ADGRG3: variants seen among roughly 807,000 people sequenced by gnomAD.
ADGRG3 encodes the protein G protein-coupled receptor 97.
A neutral mutation model predicts 54.3 loss-of-function variants in ADGRG3; 39 were observed. The ratio of observed to expected loss-of-function variants is 0.72; its 90% CI spans 0.56 to 0.94. The LOEUF (loss-of-function observed/expected upper bound fraction) is 0.94, where lower values mean the gene tolerates loss of function less well. Ranked by LOEUF, ADGRG3 falls within the 40% of genes least tolerant of loss-of-function variation. The pLI is 0.00. For missense variants in ADGRG3, 654 were observed against 694.6 expected (o/e 0.94, Z 0.66); for synonymous variants, 312 against 290.0 (o/e 1.08, Z -0.77).
intron 3 of ADGRG3, among the ~76,000 whole-genome samples, chr16:57,677,865 C>T (rs12597878): frequency 0.036 from 5,475 of 152,294 alleles, 251 homozygotes; most frequent in East Asian, 0.18. Flanking sequence ...CACATGCCCT[C>T]CAGCCGTCCT....
chr16:57,675,786 G>A (rs1450648302), intron 2 of ADGRG3, among the ~76,000 whole-genome samples: 3 of 152,178 alleles, frequency 2.0e-5, no homozygotes, highest in Non-Finnish European at 1.5e-5. Context: ...ACAGAAGGCA[G>A]ATTAGTGATT....
rs1352858164 is a variant in ADGRG3, at chr16:57,685,794, G to A, written c.1408G>A (p.Gly470Arg). The A allele has an allele frequency of 6.2e-7, 1 of 1,614,098 alleles. No homozygotes were observed. The highest frequency in any genetic ancestry group is 1.7e-5 in the Admixed American group (1 of 60,010). ...LSRATAVKER[G>R]KNRKKVLTLL... ...CCGTGCTACAGCGGTCAAGGAGCGG[G>A]GGAAGAACCGGAAGAAGGTGCTCAC... Residue 470 changes from glycine to arginine, a missense_variant, in exon 11 of 12, where the codon GGG becomes AGG. Gly to Arg is a moderately radical substitution (Grantham distance 125, BLOSUM62 -2). Transcript: ENST00000333493.
rs1021611916 is a variant in ADGRG3, at chr16:57,688,702, G to T, written c.*241G>T. The T allele has an allele frequency of 4.2e-6, 2 of 480,812 alleles. No individual in the cohort carries two copies. The highest frequency in any genetic ancestry group is 7.6e-6 in the Non-Finnish European group (2 of 264,200). 29.8% of individuals were successfully genotyped at this position (480,812 alleles called of 1,614,324 possible). On this transcript the variant is annotated 3_prime_UTR_variant, in exon 12 of 12. Transcript: ENST00000333493. ...AGTTCCTATAGTCCTGAGACCCCCT[G>T]CCAGCAAAGAGTGACAGTCACCTCC... is the stretch of plus-strand genomic sequence containing the variant.
intron 9 of ADGRG3, 34 bp downstream of exon 9, chr16:57,684,246 C>G: frequency 6.3e-7 from 1 of 1,597,418 alleles, no homozygotes; most frequent in East Asian, 2.2e-5. Flanking sequence ...AATAAACGGC[C>G]GGCCCTGAGG....
Position 57,684,165 on chromosome 16 carries a change from A to G in ADGRG3, c.1115A>G (p.Asn372Ser). ...TACCTGCTCGCTGTCAGGGTCTTCA[A>G]CACCTACTTCGGGCACTACTTCCTG... ...HLYLLAVRVF[N>S]TYFGHYFLKL... Residue 372 changes from asparagine to serine, a missense_variant, in exon 9 of 12, where the codon AAC (asparagine) becomes AGC (serine). By Grantham distance (46) the Asn-to-Ser change is conservative (BLOSUM62 1). Coordinates refer to ENST00000333493, the MANE Select transcript of ADGRG3 (RefSeq NM_170776.5). 1.9e-6 allele frequency: 3 copies of G among 1,613,924 alleles called. No homozygotes were observed. The Middle Eastern group carries it at 5.0e-4, about 267-fold the overall frequency.
chr16:57,673,416 A>G lies in ADGRG3; in HGVS notation c.154A>G (p.Thr52Ala), dbSNP rs139984124. The change falls in exon 2 of 12, where the codon ACC (threonine) becomes GCC (alanine). Residue 52 changes from threonine to alanine, a missense_variant. Physicochemically the swap from Thr to Ala is moderately conservative, Grantham distance 58 (BLOSUM62 0). Coordinates refer to ENST00000333493, the MANE Select transcript of ADGRG3 (RefSeq NM_170776.5). ...CTTGAATGACAAGGCTTTGTGCTTC[A>G]CCAAGTGCAGGCAGTCGGGCAGCGA... ...FNLNDKALCF[T>A]KCRQSGSDSC... The G allele has an allele frequency of 5.3e-5, 85 of 1,612,612 alleles. No individual in the cohort carries two copies. The highest frequency in any genetic ancestry group is 6.8e-5 in the Non-Finnish European group (80 of 1,178,772).
chr16:57,685,646 CTGGTTCCG>C lies in ADGRG3; in HGVS notation c.1263_1270del (p.Trp421Ter). ...CCACAGCTGCCCCCTCCTCCAGATG[CTGGTTCCG>C]TGAAGGGACAACCATGTACGCCCTC... On this transcript the variant is annotated frameshift_variant, in exon 11 of 12. Transcript: ENST00000333493. LOFTEE classifies it high-confidence loss of function. 1.9e-6 allele frequency: 3 copies of C among 1,613,648 alleles called. No homozygotes were observed. The highest frequency in any genetic ancestry group is 2.5e-6 in the Non-Finnish European group (3 of 1,179,568).
At chr16:57,667,194 G>A (rs1488290464), upstream of ADGRG3, among the ~76,000 whole-genome samples, 1 of 152,358 alleles carries the variant, frequency 6.6e-6, no homozygotes, top group Non-Finnish European at 1.5e-5. Flanking sequence ...ACACTGAGTG[G>A]GAGGAGGAGG....
At chr16:57,685,550 C>A in intron 10 of ADGRG3, 93 bp from the exon 11 acceptor site, 1 of 1,280,996 alleles carries the variant, frequency 7.8e-7, no homozygotes, top group Non-Finnish European at 1.1e-6. Flanking sequence ...GGAGAGGCAC[C>A]TTCACAGACA....
rs1168097188 is a variant in ADGRG3, at chr16:57,681,690, C to T, written c.881+1073C>T. ...GCAGTGAGCCGAGATCACACCATTG[C>T]ACTCCAGCCTGGACAACAAGTGCAA... On this transcript the variant is annotated intron_variant, in intron 8 of 11. Coordinates refer to ENST00000333493, the MANE Select transcript of ADGRG3 (RefSeq NM_170776.5). Among the ~76,000 whole-genome samples, 5 of 138,744 alleles carry T rather than the reference C, an allele frequency of 3.6e-5. No homozygotes were observed. The Admixed American group carries it at 3.9e-4, about 11-fold the overall frequency. The allele number at this position is 138,744 out of a possible 152,430, so 91.0% of individuals were successfully genotyped here. A position where few individuals can be genotyped will look rare whatever the true frequency, so the allele number is the denominator to read the frequency against.
At position 57,680,550 on chromosome 16, in the gene ADGRG3, T is replaced by A; in HGVS notation, c.814T>A (p.Ser272Thr). ...CACGGTGCATATCCTCACACGCATC[T>A]CCCAGGCGGGCTGTGGGGTCTCCAT... ...QSTVHILTRISQAGCGVSMIF... is the reference protein window; with the variant it reads ...QSTVHILTRITQAGCGVSMIF... The change falls in exon 8 of 12, where the codon TCC (serine) becomes ACC (threonine). Residue 272 changes from serine (S) to threonine (T), a missense_variant. Coordinates refer to ENST00000333493, the MANE Select transcript of ADGRG3 (RefSeq NM_170776.5). 1 of 1,613,872 alleles carries A rather than the reference T, an allele frequency of 6.2e-7. No individual in the cohort carries two copies. Among genetic ancestry groups the A allele is most frequent in the South Asian group, 1.1e-5 (1 of 91,062 alleles).
upstream of ADGRG3, among the ~76,000 whole-genome samples, chr16:57,667,816 T>C (rs2048083272): frequency 6.6e-6 from 1 of 152,208 alleles, no homozygotes; most frequent in Admixed American, 6.5e-5. Flanking sequence ...TGGGTCTTCG[T>C]CCTCATGCCC....
Position 57,683,952 on chromosome 16 carries a change from A to G in ADGRG3, c.902A>G (p.Lys301Arg), listed in dbSNP as rs1354454505. The change falls in exon 9 of 12, where the codon AAG becomes AGG. Residue 301 changes from lysine to arginine, a missense_variant. Physicochemically the swap from Lys to Arg is conservative, Grantham distance 26. Transcript: ENST00000333493. ...AFLRLSRERF[K>R]SEDAPKIHVA... ...CCCAGGCTTTCCCGGGAGAGGTTCA[A>G]GTCAGAAGATGCCCCAAAGATCCAC... 1.2e-5 allele frequency: 19 copies of G among 1,570,510 alleles called. No homozygotes were observed. The African/African-American group carries it at 1.8e-4, about 15-fold the overall frequency.
chr16:57,679,290 C>T lies in ADGRG3; in HGVS notation c.606C>T (p.Phe202=), dbSNP rs368411015. Residue 202 remains phenylalanine (F), a synonymous_variant, in exon 5 of 12, where the codon TTC becomes TTT. Coordinates refer to ENST00000333493, the MANE Select transcript of ADGRG3 (RefSeq NM_170776.5). ...TKLAEPLEIV[F]SHQRPPPNMT... ...TGGCTGAGCCTCTGGAGATCGTCTT[C>T]TCTCACCAGCGACCGCCCCCTGTGA... is the stretch of plus-strand genomic sequence containing the variant. 2.0e-5 allele frequency: 33 copies of T among 1,613,826 alleles called. No homozygotes were observed. In the East Asian group the frequency reaches 3.8e-4, roughly 19 times the overall value.
intron 2 of ADGRG3, among the ~76,000 whole-genome samples, chr16:57,675,064 A>C (rs1169461992): frequency 7.9e-5 from 12 of 151,166 alleles, no homozygotes; most frequent in African/African-American, 2.9e-4. Context: ...TTGTAGCAGC[A>C]CTTTTCACAG....
At position 57,688,526 on chromosome 16, in the gene ADGRG3, CCT is replaced by C. The variant is rs2048518400; in HGVS notation, c.*72_*73del. On this transcript the variant is annotated 3_prime_UTR_variant, in exon 12 of 12. Coordinates refer to ENST00000333493, the MANE Select transcript of ADGRG3 (RefSeq NM_170776.5). ...CTGTGTGACCTTGGGCAGCTCCGTG[CCT>C]CTCTCTGTACTCCCTCAGTTTCCTT... is the stretch of plus-strand genomic sequence containing the variant. 28 of 931,536 alleles carry C rather than the reference CCT, an allele frequency of 3.0e-5. 1 individual carries two copies. The South Asian group carries it at 3.4e-4, about 11-fold the overall frequency. The allele number at this position is 931,536 out of a possible 1,614,324, so 57.7% of individuals were successfully genotyped here. A position where few individuals can be genotyped will look rare whatever the true frequency, so the allele number is the denominator to read the frequency against.
chr16:57,680,331 G>A lies in ADGRG3; in HGVS notation c.734G>A (p.Cys245Tyr), dbSNP rs753171047. The A allele has an allele frequency of 1.2e-6, 2 of 1,612,676 alleles. No homozygotes were observed. The highest frequency in any genetic ancestry group is 4.5e-5 in the East Asian group (2 of 44,782). Residue 245 changes from cysteine to tyrosine, a missense_variant, in exon 7 of 12, where the codon TGC becomes TAC. Cys to Tyr is a radical substitution (Grantham distance 194). Coordinates refer to ENST00000333493, the MANE Select transcript of ADGRG3 (RefSeq NM_170776.5). The stretch of plus-strand genomic sequence containing the variant: ...GTCAGACCTGAGGGGACCGTGTGCT[G>A]CTGTGACCACCTGACCTTTTTCGCC... The part of the protein sequence containing the change: ...TEVRPEGTVC[C>Y]CDHLTFFALL...
At chr16:57,675,403 T>A (rs2148700305) in intron 2 of ADGRG3, among the ~76,000 whole-genome samples, 1 of 152,268 alleles carries the variant, frequency 6.6e-6, no homozygotes, top group South Asian at 2.1e-4. Context: ...GGCAAGCGGA[T>A]CGCTTGAGGT....
chr16:57,683,713 C>T (rs1450004499), intron 8 of ADGRG3, among the ~76,000 whole-genome samples: 1 of 152,196 alleles, frequency 6.6e-6, no homozygotes, highest in Non-Finnish European at 1.5e-5. Context: ...TGGCAGGATC[C>T]GGAACCCACA....
Sources: gnomAD v4.1 joint callset for allele counts (sites outside exome capture counted in the v4.1 genomes callset) on GRCh38, gnomAD v4.1.1 for gene constraint, MANE v1.5 for transcripts, NCBI Gene and HGNC (gene_info 2026-07-23, HGNC 2026-07-21) for gene names.